GDPD5: variants seen among roughly 807,000 people sequenced by gnomAD.
The protein encoded by GDPD5 is glycerophosphodiester phosphodiesterase 2.
Under a neutral mutation model 75.1 loss-of-function variants are expected in GDPD5, and 48 were observed. That is an observed-to-expected ratio of 0.64 (90% CI 0.51 to 0.81). GDPD5 has a LOEUF of 0.81. Among genes scored for constraint, GDPD5 ranks in the 40% least tolerant of loss-of-function variants. GDPD5 has a pLI of 0.00. For missense variants in GDPD5, 706 were observed against 822.6 expected (o/e 0.86, Z 1.73); for synonymous variants, 336 against 339.0 (o/e 0.99, Z 0.10).
intron 1 of GDPD5, among the ~76,000 whole-genome samples, chr11:75,524,971 C>A (rs1215559157): frequency 6.6e-6 from 1 of 152,266 alleles, no homozygotes; most frequent in Non-Finnish European, 1.5e-5. Flanking sequence ...GATAATAATA[C>A]ACAACACCTA....
At chr11:75,521,269 T>G (rs991143972) in intron 1 of GDPD5, among the ~76,000 whole-genome samples, 1 of 152,186 alleles carries the variant, frequency 6.6e-6, no homozygotes, top group African/African-American at 2.4e-5. Context: ...TTCCTTAGCC[T>G]TGAGAAAAAA....
At chr11:75,487,682 G>A (rs2135407634) in intron 2 of GDPD5, among the ~76,000 whole-genome samples, 1 of 152,360 alleles carries the variant, frequency 6.6e-6, no homozygotes, top group Middle Eastern at 3.4e-3. Flanking sequence ...AGGGCCCAGA[G>A]GCGAAGGTAG....
Position 75,441,324 on chromosome 11 carries a change from G to A in GDPD5, c.1326-14C>T. ...GACGCGTAGTCCCTGTGGGGCAGGG[G>A]AGAGGCAGGTCAGCATGCGGACCCT... is the stretch of plus-strand genomic sequence containing the variant. On this transcript the variant is annotated splice_polypyrimidine_tract_variant and intron_variant, in intron 13 of 16. Transcript: ENST00000336898. 6.2e-7 allele frequency: 1 copy of A among 1,614,056 alleles called. No individual in the cohort carries two copies. Among genetic ancestry groups the A allele is most frequent in the Non-Finnish European group, 8.5e-7 (1 of 1,179,996 alleles).
intron 14 of GDPD5, among the ~76,000 whole-genome samples, chr11:75,440,301 G>C (rs117746743): frequency 1.5e-3 from 227 of 152,034 alleles, no homozygotes; most frequent in Non-Finnish European, 1.6e-3. Context: ...TGGCTTTGCC[G>C]CCCCCCGCTG....
intron 9 of GDPD5, among the ~76,000 whole-genome samples, chr11:75,445,024 C>T (rs937435037): frequency 1.3e-5 from 2 of 152,128 alleles, no homozygotes; most frequent in African/African-American, 2.4e-5. Context: ...GTTTCCTCAT[C>T]TATATAAACA....
intron 1 of GDPD5, among the ~76,000 whole-genome samples, chr11:75,519,671 C>T (rs1182164881): frequency 1.3e-5 from 2 of 152,110 alleles, no homozygotes; most frequent in East Asian, 3.8e-4. Context: ...AAACTAAAGC[C>T]CAAAGAGGTT....
chr11:75,512,126 G>A (rs529882371), intron 1 of GDPD5, among the ~76,000 whole-genome samples: 27 of 152,296 alleles, frequency 1.8e-4, no homozygotes, highest in African/African-American at 6.3e-4. Flanking sequence ...ATACATGGAT[G>A]CATGGAAGAA....
intron 3 of GDPD5, among the ~76,000 whole-genome samples, chr11:75,466,962 G>C (rs1949530710): frequency 6.6e-6 from 1 of 152,038 alleles, no homozygotes; most frequent in Non-Finnish European, 1.5e-5. Context: ...TGCCCTCTGG[G>C]ACCCAGTATG....
intron 6 of GDPD5, among the ~76,000 whole-genome samples, chr11:75,453,924 C>T (rs1949231181): frequency 6.6e-6 from 1 of 151,998 alleles, no homozygotes. Context: ...ATATAATTAC[C>T]AAGTGACACC....
chr11:75,477,890 C>T (rs755518017), intron 2 of GDPD5, 95 bp from the exon 3 acceptor site: 7 of 496,342 alleles, frequency 1.4e-5, no homozygotes, highest in Non-Finnish European at 2.2e-5. Flanking sequence ...GGAGGGTCAC[C>T]CCTGCTCAAA....
At chr11:75,506,610 G>A (rs1565218450) in intron 1 of GDPD5, 1 of 152,618 alleles carries the variant, frequency 6.6e-6, no homozygotes, top group African/African-American at 2.4e-5. Context: ...CCACAAGGTA[G>A]GGTGGGGGCA....
Position 75,513,886 on chromosome 11 carries a change from C to T in GDPD5, c.-145+11324G>A, listed in dbSNP as rs550347338. Among the ~76,000 whole-genome samples, 8 of 152,350 alleles carry T rather than the reference C, an allele frequency of 5.3e-5. No individual in the cohort carries two copies. The South Asian group carries it at 1.7e-3, about 32-fold the overall frequency. On this transcript the variant is annotated intron_variant, in intron 1 of 16. Coordinates refer to ENST00000336898, the MANE Select transcript of GDPD5 (RefSeq NM_030792.8). ...ACTCCTGCTGAGGACCTAGAGGGCA[C>T]GGCCTGGCCCAGGTGCCATGGGAGC...
rs1405132857 is a variant in GDPD5 at position 75,448,990 on chromosome 11, C to T, written c.701G>A (p.Arg234His). Residue 234 changes from arginine (R) to histidine (H), a missense_variant, in exon 9 of 17, where the codon CGC (arginine) becomes CAC (histidine). Physicochemically the swap from Arg to His is conservative, Grantham distance 29 (BLOSUM62 0). Coordinates refer to ENST00000336898, the MANE Select transcript of GDPD5 (RefSeq NM_030792.8). Reference protein sequence around the residue: ...LGPKPALIGHRGAPMLAPEHT... With the variant: ...LGPKPALIGHHGAPMLAPEHT... ...GGTGGCACTCACCATGGGGGCCCCG[C>T]GGTGGCCAATGAGAGCAGGCTTGGG... 4.4e-6 allele frequency: 7 copies of T among 1,578,230 alleles called. No individual in the cohort carries two copies. Among genetic ancestry groups the T allele is most frequent in the Middle Eastern group, 1.7e-4 (1 of 5,798 alleles).
Position 75,474,681 on chromosome 11 carries a change from C to T in GDPD5, c.117+2938G>A, listed in dbSNP as rs182673891. ...GGGGGGCAGGAAGGAGGGAGACCAG[C>T]GTGGATGGAGAGGAAGGGGCCCTTC... On this transcript the variant is annotated intron_variant, in intron 3 of 16. Coordinates refer to ENST00000336898, the MANE Select transcript of GDPD5 (RefSeq NM_030792.8). Among the ~76,000 whole-genome samples the T allele has an allele frequency of 3.9e-3, 600 of 152,274 alleles. 19 individuals are homozygous for T. The highest frequency in any genetic ancestry group is 0.032 in the Admixed American group (497 of 15,306).
At chr11:75,508,919 A>G (rs1336388336) in intron 1 of GDPD5, 3 of 152,282 alleles carry the variant, frequency 2.0e-5, no homozygotes, top group African/African-American at 7.2e-5. Context: ...TTGGCTCAGC[A>G]TGCTGTGACA....
chr11:75,460,684 G>C (rs953437638), intron 4 of GDPD5, among the ~76,000 whole-genome samples: 8 of 152,172 alleles, frequency 5.3e-5, no homozygotes, highest in East Asian at 1.9e-4. Context: ...GGACTCACAT[G>C]ATCTGCCCGC....
At chr11:75,457,859 G>A (rs1949322687) in intron 4 of GDPD5, 73 bp from the exon 5 acceptor site, 1 of 1,175,946 alleles carries the variant, frequency 8.5e-7, no homozygotes, top group East Asian at 2.4e-5. Context: ...AGGATGGTCT[G>A]AGCCTCCACA....
intron 1 of GDPD5, among the ~76,000 whole-genome samples, chr11:75,511,466 CTGAGA>C (rs1282596658): frequency 6.6e-6 from 1 of 152,194 alleles, no homozygotes; most frequent in Non-Finnish European, 1.5e-5. Flanking sequence ...ATTAAAGACC[CTGAGA>C]AGGCCTGTTT....
chr11:75,443,225 C>G lies in GDPD5; in HGVS notation c.859G>C (p.Glu287Gln), dbSNP rs992394812. Residue 287 changes from glutamate to glutamine, a missense_variant, in exon 11 of 17, where the codon GAG becomes CAG. Coordinates refer to ENST00000336898, the MANE Select transcript of GDPD5 (RefSeq NM_030792.8). Reference sequence around the variant, plus strand: ...CTGCGGGCCAGCTCCGGGAACTCCTCCTCCACGTTGGTGGTGCGCCGCAGG... The same window carrying G: ...CTGCGGGCCAGCTCCGGGAACTCCTGCTCCACGTTGGTGGTGCGCCGCAGG... Reference protein sequence around the residue: ...TTLRRTTNVEEEFPELARRPA... With the variant: ...TTLRRTTNVEQEFPELARRPA... 3.7e-6 allele frequency: 6 copies of G among 1,608,330 alleles called. No homozygotes were observed. In the Admixed American group the frequency reaches 6.8e-5, roughly 18 times the overall value.
Sources: gnomAD v4.1 joint callset for allele counts (sites outside exome capture counted in the v4.1 genomes callset) on GRCh38, gnomAD v4.1.1 for gene constraint, MANE v1.5 for transcripts, NCBI Gene and HGNC (gene_info 2026-07-23, HGNC 2026-07-21) for gene names.